The following AHI1 variants were observed in gnomAD, a reference collection of about 807,000 sequenced individuals.
AHI1 encodes the protein Abelson helper integration site 1.
Under a neutral mutation model 149.3 loss-of-function variants are expected in AHI1, and 123 were observed. The observed-to-expected ratio is 0.82, with a 90% CI of 0.71 to 0.96. AHI1 has a LOEUF of 0.96. AHI1 is among the 40% of genes least tolerant of loss of function. The pLI is 0.00. For missense variants in AHI1, 1,439 were observed against 1,422.7 expected, an observed-to-expected ratio of 1.01 and a Z score of -0.18; for synonymous variants, 475 against 459.8, an observed-to-expected ratio of 1.03 and a Z score of -0.42.
intron 24 of AHI1, among the ~76,000 whole-genome samples, chr6:135,356,285 C>T (rs1023240343): frequency 1.3e-5 from 2 of 152,188 alleles, no homozygotes; most frequent in African/African-American, 4.8e-5. Context: ...AATTTTTAGA[C>T]TCCTTTTTTT....
chr6:135,463,039 C>T, intron 8 of AHI1, 86 bp downstream of exon 8: 3 of 983,264 alleles, frequency 3.1e-6, no homozygotes, highest in Non-Finnish European at 4.4e-6. Context: ...TTCAAGTATA[C>T]CCATCAGTTT....
At chr6:135,348,807 T>C (rs888562065) in intron 24 of AHI1, among the ~76,000 whole-genome samples, 3 of 152,162 alleles carry the variant, frequency 2.0e-5, no homozygotes, top group Admixed American at 6.6e-5. Context: ...ATGGACAACA[T>C]TGCAGTTAGG....
At chr6:135,457,404 A>G in intron 9 of AHI1, 90 bp downstream of exon 9, 1 of 911,480 alleles carries the variant, frequency 1.1e-6, no homozygotes, top group Non-Finnish European at 1.7e-6. Context: ...CCATAACTCT[A>G]TTCCCACTGA....
At chr6:135,364,009 A>G (rs1794443267) in intron 23 of AHI1, among the ~76,000 whole-genome samples, 1 of 134,080 alleles carries the variant, frequency 7.5e-6, no homozygotes, top group African/African-American at 2.8e-5. Context: ...ACTTCCCAGT[A>G]GGGGCGGCCG....
At position 135,467,628 on chromosome 6, in the gene AHI1, T is replaced by G; in HGVS notation, c.142A>C (p.Thr48Pro). 2 of 1,604,892 alleles carry G rather than the reference T, an allele frequency of 1.2e-6. No homozygotes were observed. Among genetic ancestry groups the G allele is most frequent in the Non-Finnish European group, 1.7e-6 (2 of 1,174,154 alleles). ...ATATAGTGAAGATTGCTTCTAATAG[T>G]GTCAGGCTAAAAAGGAAGACATAAT... is the stretch of plus-strand genomic sequence containing the variant. ...VRSEENISPD[T>P]IRSNLHYMKE... The change falls in exon 6 of 29, where the codon ACT becomes CCT. Residue 48 changes from threonine to proline, a missense_variant. Thr to Pro is a conservative substitution (Grantham distance 38). Coordinates refer to ENST00000265602, the MANE Select transcript of AHI1 (RefSeq NM_001134831.2).
In AHI1 at chr6:135,489,638, G is replaced by A. The variant is rs140071616; in HGVS notation, c.135+985C>T. Reference sequence around the variant, plus strand: ...TATTTCAGAGCAGCAATCACTATGGGAGTGCTAATCTGTCCATTCTGTCAG... The same window carrying A: ...TATTTCAGAGCAGCAATCACTATGGAAGTGCTAATCTGTCCATTCTGTCAG... On this transcript the variant is annotated intron_variant, in intron 5 of 28. Coordinates refer to ENST00000265602, the MANE Select transcript of AHI1 (RefSeq NM_001134831.2). 2.6e-3 allele frequency among the ~76,000 whole-genome samples: 395 copies of A among 152,180 alleles called. 1 individual carries two copies. Among genetic ancestry groups the A allele is most frequent in the African/African-American group, 9.0e-3 (373 of 41,532 alleles).
chr6:135,376,881 C>CAAAAAAAAAAAAAAAA (rs1167083326), intron 23 of AHI1, among the ~76,000 whole-genome samples: 5 of 29,440 alleles, frequency 1.7e-4, no homozygotes, highest in African/African-American at 8.0e-4. Context: ...GACTCCATCT[C>CAAAAAAAAAAAAAAAA]AAAAAAAAAA....
chr6:135,360,735 G>A (rs972541504), intron 23 of AHI1, among the ~76,000 whole-genome samples: 5 of 152,288 alleles, frequency 3.3e-5, no homozygotes, highest in African/African-American at 1.2e-4. Flanking sequence ...TAGTTAAAAT[G>A]TTGATGTTAG....
At chr6:135,330,937 TTTA>T (rs1283084334) in intron 24 of AHI1, among the ~76,000 whole-genome samples, 2 of 152,364 alleles carry the variant, frequency 1.3e-5, no homozygotes, top group African/African-American at 2.4e-5. Context: ...CCAATTAGAT[TTTA>T]TTATTTCAAT....
intron 26 of AHI1, among the ~76,000 whole-genome samples, chr6:135,306,529 T>C (rs763455579): frequency 1.3e-5 from 2 of 152,056 alleles, no homozygotes; most frequent in Non-Finnish European, 1.5e-5. Flanking sequence ...GTAGAGTCAG[T>C]AGGGAAAAAC....
At chr6:135,287,315 C>A (rs1287249926) in intron 28 of AHI1, among the ~76,000 whole-genome samples, 4 of 152,046 alleles carry the variant, frequency 2.6e-5, no homozygotes, top group Non-Finnish European at 5.9e-5. Context: ...CTAAAGTAGG[C>A]AGCAAAGATA....
At chr6:135,419,961 G>A (rs1159485773) in intron 20 of AHI1, among the ~76,000 whole-genome samples, 1 of 152,058 alleles carries the variant, frequency 6.6e-6, no homozygotes, top group Admixed American at 6.6e-5. Flanking sequence ...TCTTCACCAG[G>A]AGTAGATTCT....
chr6:135,459,179 A>G (rs910975077), intron 8 of AHI1, among the ~76,000 whole-genome samples: 1 of 152,210 alleles, frequency 6.6e-6, no homozygotes, highest in Non-Finnish European at 1.5e-5. Flanking sequence ...GAAATCATTC[A>G]TAATATGTTA....
At chr6:135,339,284 C>T (rs113399639) in intron 24 of AHI1, among the ~76,000 whole-genome samples, 2,280 of 152,118 alleles carry the variant, frequency 0.015, 49 homozygotes, top group African/African-American at 0.047. Context: ...CAAAAAATTA[C>T]GAAACATGCA....
intron 26 of AHI1, chr6:135,302,755 T>C (rs1236541895): frequency 1.6e-6 from 2 of 1,287,850 alleles, no homozygotes; most frequent in African/African-American, 1.5e-5. Flanking sequence ...AGGTAGTTAC[T>C]CATGGAGGCA....
intron 21 of AHI1, among the ~76,000 whole-genome samples, chr6:135,407,440 A>G (rs1780948937): frequency 6.6e-6 from 1 of 152,216 alleles, no homozygotes. Flanking sequence ...CATACATACT[A>G]TGTACATTCT....
intron 8 of AHI1, among the ~76,000 whole-genome samples, chr6:135,461,234 T>C (rs1337874956): frequency 6.6e-6 from 1 of 151,996 alleles, no homozygotes; most frequent in East Asian, 1.9e-4. Context: ...AAAAAGACAA[T>C]TCTGTGTTTT....
At chr6:135,424,146 T>G (rs1243900381) in intron 20 of AHI1, among the ~76,000 whole-genome samples, 2 of 151,846 alleles carry the variant, frequency 1.3e-5, no homozygotes, top group African/African-American at 4.8e-5. Context: ...TTTCAAGAAA[T>G]TTGCTGAAAA....
In AHI1 at chr6:135,457,832, G is replaced by A. The variant is rs113968054; in HGVS notation, c.932-119C>T. 472 of 910,212 alleles carry A rather than the reference G, an allele frequency of 5.2e-4. 3 individuals carry two copies. In the African/African-American group the frequency reaches 7.0e-3, roughly 14 times the overall value. The allele number at this position is 910,212 out of a possible 1,614,324, so 56.4% of individuals were successfully genotyped here. A position where few individuals can be genotyped will look rare whatever the true frequency, so the allele number is the denominator to read the frequency against. On this transcript the variant is annotated intron_variant, in intron 8 of 28. Coordinates refer to ENST00000265602, the MANE Select transcript of AHI1 (RefSeq NM_001134831.2). ...ACTGTGTTCAAAGGAACTTCAGGGG[G>A]AAAGAAAGAAAAAGCCAGACAACAG...
Sources: allele counts gnomAD v4.1 joint callset (sites outside exome capture counted in the v4.1 genomes callset), GRCh38; gene constraint gnomAD v4.1.1; transcripts MANE v1.5; gene names NCBI Gene and HGNC (gene_info 2026-07-23, HGNC 2026-07-21).